PRKCQ: variants seen among roughly 807,000 people sequenced by gnomAD.
PRKCQ encodes the protein protein kinase C theta.
A neutral mutation model predicts 91.2 loss-of-function variants in PRKCQ; 41 were observed. The observed-to-expected ratio is 0.45, with a 90% CI of 0.35 to 0.58. The LOEUF is 0.58. PRKCQ is among the 20% of genes least tolerant of loss of function. The probability of loss-of-function intolerance (pLI) is 0.00; values close to 1 mark genes in which losing one functional copy is unlikely to be tolerated. For missense variants in PRKCQ, 673 were observed against 896.5 expected (o/e 0.75, Z 3.18); for synonymous variants, 307 against 316.9 (o/e 0.97, Z 0.33).
intron 4 of PRKCQ, among the ~76,000 whole-genome samples, chr10:6,503,210 G>C (rs1217462495): frequency 3.3e-5 from 5 of 152,194 alleles, no homozygotes; most frequent in African/African-American, 9.7e-5. Context: ...CTGGACTAAA[G>C]GCTAGTACTT....
chr10:6,567,448 G>C (rs896556158), intron 1 of PRKCQ, among the ~76,000 whole-genome samples: 1 of 152,232 alleles, frequency 6.6e-6, no homozygotes, highest in African/African-American at 2.4e-5. Flanking sequence ...GCCAAGTCTT[G>C]CACAGTAAGA....
chr10:6,544,776 G>A (rs1171108404), intron 1 of PRKCQ, among the ~76,000 whole-genome samples: 5 of 151,710 alleles, frequency 3.3e-5, no homozygotes, highest in Admixed American at 6.6e-5. Flanking sequence ...ACGTACCACC[G>A]CACCTGGCTA....
chr10:6,404,801 TTCTCTC>T, the PRKCQ span, among the ~76,000 whole-genome samples: 1 of 140,774 alleles, frequency 7.1e-6, no homozygotes, highest in Non-Finnish European at 1.5e-5. Context: ...CCTTCCTTCT[TTCTCTC>T]TCTCTTTCAT....
At chr10:6,487,968 G>GCCTGGGA (rs1837023562) in intron 8 of PRKCQ, among the ~76,000 whole-genome samples, 1 of 143,464 alleles carries the variant, frequency 7.0e-6, no homozygotes. Flanking sequence ...TCGTGCCACT[G>GCCTGGGA]TACTCCAGCC....
intron 4 of PRKCQ, among the ~76,000 whole-genome samples, chr10:6,498,817 C>T (rs528578379): frequency 1.1e-4 from 16 of 152,300 alleles, no homozygotes; most frequent in African/African-American, 3.6e-4. Context: ...CTTCGCTCCT[C>T]TTTGACTGGG....
chr10:6,442,405 A>C (rs1044274385), intron 15 of PRKCQ, among the ~76,000 whole-genome samples: 3 of 152,200 alleles, frequency 2.0e-5, no homozygotes, highest in African/African-American at 7.2e-5. Flanking sequence ...TATTGGACCT[A>C]AGAAAGCTGG....
intron 15 of PRKCQ, among the ~76,000 whole-genome samples, chr10:6,445,121 CAAAAAAAAAAA>C (rs61291267): frequency 1.4e-3 from 147 of 105,402 alleles, no homozygotes; most frequent in East Asian, 2.7e-3. Flanking sequence ...AAGACTCTGT[CAAAAAAAAAAA>C]AAAAAAAAAA....
intron 15 of PRKCQ, among the ~76,000 whole-genome samples, chr10:6,450,448 T>A (rs894578764): frequency 6.6e-6 from 1 of 152,152 alleles, no homozygotes; most frequent in Non-Finnish European, 1.5e-5. Flanking sequence ...GAGTGACCTA[T>A]AAAGAGACTT....
chr10:6,529,015 G>A (rs777068201), intron 1 of PRKCQ, among the ~76,000 whole-genome samples: 9 of 152,154 alleles, frequency 5.9e-5, no homozygotes, highest in Non-Finnish European at 4.4e-5. Context: ...GGAGTTTCTC[G>A]GAATACCCTA....
intron 1 of PRKCQ, among the ~76,000 whole-genome samples, chr10:6,563,237 G>A (rs1271788449): frequency 6.6e-6 from 1 of 152,058 alleles, no homozygotes; most frequent in East Asian, 1.9e-4. Context: ...AGTCCCGGAA[G>A]CAGCAACCTC....
chr10:6,395,663 T>TATG, the PRKCQ span, among the ~76,000 whole-genome samples: 1 of 152,098 alleles, frequency 6.6e-6, no homozygotes, highest in East Asian at 1.9e-4. Flanking sequence ...GGGAAAGGGG[T>TATG]ATTATCGTCT....
At chr10:6,410,066 C>G in the PRKCQ span, among the ~76,000 whole-genome samples, 1 of 152,124 alleles carries the variant, frequency 6.6e-6, no homozygotes, top group African/African-American at 2.4e-5. Context: ...CTTTTACCCT[C>G]TGGGCTACTC....
chr10:6,458,750 G>A (rs1329258161), intron 14 of PRKCQ, among the ~76,000 whole-genome samples: 1 of 152,146 alleles, frequency 6.6e-6, no homozygotes, highest in East Asian at 1.9e-4. Flanking sequence ...CGTCCAATGA[G>A]AATCACGTGA....
At chr10:6,457,233 C>A (rs1338918609) in intron 14 of PRKCQ, among the ~76,000 whole-genome samples, 2 of 152,158 alleles carry the variant, frequency 1.3e-5, no homozygotes, top group Non-Finnish European at 2.9e-5. Context: ...AATACTGAAC[C>A]CCTTGAGAAC....
chr10:6,431,049 C>G (rs1833394307), intron 16 of PRKCQ, 111 bp from the exon 17 acceptor site: 2 of 1,355,522 alleles, frequency 1.5e-6, no homozygotes, highest in Non-Finnish European at 2.0e-6. Context: ...CCTCATTTTT[C>G]TACTCACCTT....
intron 8 of PRKCQ, among the ~76,000 whole-genome samples, chr10:6,489,679 A>C (rs1056454724): frequency 6.6e-6 from 1 of 151,930 alleles, no homozygotes; most frequent in Non-Finnish European, 1.5e-5. Context: ...CGGGAGTGTC[A>C]GAAGCAAGAA....
chr10:6,504,301 A>G (rs1838072601), intron 4 of PRKCQ, among the ~76,000 whole-genome samples: 1 of 152,166 alleles, frequency 6.6e-6, no homozygotes, highest in Non-Finnish European at 1.5e-5. Context: ...TGAGTAAGAG[A>G]AAGTATATTC....
intron 4 of PRKCQ, among the ~76,000 whole-genome samples, chr10:6,505,049 A>G (rs1838115220): frequency 6.6e-6 from 1 of 151,984 alleles, no homozygotes; most frequent in Admixed American, 6.5e-5. Context: ...ACACACTGCC[A>G]TACCCGGCTA....
chr10:6,458,745 A>G (rs917052479), intron 14 of PRKCQ, among the ~76,000 whole-genome samples: 6 of 152,212 alleles, frequency 3.9e-5, no homozygotes, highest in Middle Eastern at 3.4e-3. Flanking sequence ...TGTAACGTCC[A>G]ATGAGAATCA....
Sources: allele counts gnomAD v4.1 joint callset (sites outside exome capture counted in the v4.1 genomes callset), GRCh38; gene constraint gnomAD v4.1.1; transcripts MANE v1.5; gene names NCBI Gene and HGNC (gene_info 2026-07-23, HGNC 2026-07-21).